CYB5R3: variants seen among roughly 807,000 people sequenced by gnomAD.
The protein encoded by CYB5R3 is NADH-cytochrome b5 reductase 3.
CYB5R3 carries 28 observed loss-of-function variants against 36.5 expected under a neutral mutation model. That is an observed-to-expected ratio of 0.77 (90% CI 0.57 to 1.05). The LOEUF is 1.05. CYB5R3 is among the 50% of genes least tolerant of loss of function. The pLI, the probability that CYB5R3 is intolerant of heterozygous loss-of-function variation, is 0.00. For synonymous variants in CYB5R3, 181 were observed against 159.8 expected (o/e 1.13, Z -1.00); for missense variants, 474 against 408.9 (o/e 1.16, Z -1.37).
In CYB5R3 at chr22:42,648,716, G is replaced by A. The variant is rs578209786; in HGVS notation, c.21+579C>T. Among the ~76,000 whole-genome samples the A allele has an allele frequency of 2.0e-5, 3 of 152,150 alleles. No homozygotes were observed. The South Asian group carries it at 6.2e-4, about 31-fold the overall frequency. ...CTGGCCCACTGAGCATTGGGAGGAT[G>A]CCCCCGTGTCATCCGGGTTCTGTTC... is the stretch of plus-strand genomic sequence containing the variant. On this transcript the variant is annotated intron_variant, in intron 1 of 8. Coordinates refer to ENST00000352397, the MANE Select transcript of CYB5R3 (RefSeq NM_000398.7).
At chr22:42,630,243 C>T (rs1026108169) in intron 4 of CYB5R3, among the ~76,000 whole-genome samples, 2 of 152,202 alleles carry the variant, frequency 1.3e-5, no homozygotes, top group Non-Finnish European at 2.9e-5. Context: ...CCTCGAACCC[C>T]GCAGCAGACC....
chr22:42,632,793 G>A (rs2299832), intron 2 of CYB5R3: 24,185 of 152,172 alleles, frequency 0.16, 2,603 homozygotes, highest in East Asian at 0.58. Context: ...TTGGGAGGCC[G>A]AGGTGGGCGA....
intron 2 of CYB5R3, among the ~76,000 whole-genome samples, chr22:42,636,165 G>A (rs935670885): frequency 6.6e-6 from 1 of 152,062 alleles, no homozygotes; most frequent in Non-Finnish European, 1.5e-5. Context: ...TGCAGTGAGC[G>A]GAGATCGCAC....
chr22:42,637,707 C>A (rs903057045), intron 1 of CYB5R3, among the ~76,000 whole-genome samples: 2 of 152,190 alleles, frequency 1.3e-5, no homozygotes, highest in South Asian at 2.1e-4. Context: ...GGGTACCACA[C>A]GGGCACGGCT....
intron 8 of CYB5R3, among the ~76,000 whole-genome samples, chr22:42,623,400 G>T (rs893431283): frequency 7.2e-5 from 11 of 152,210 alleles, no homozygotes; most frequent in African/African-American, 2.2e-4. Context: ...TGGCCTTGGT[G>T]TAACTCGGCA....
At chr22:42,627,448 C>A in intron 6 of CYB5R3, 59 bp from the exon 7 acceptor site, 2 of 1,569,278 alleles carry the variant, frequency 1.3e-6, no homozygotes, top group Non-Finnish European at 1.7e-6. Flanking sequence ...ACAGGCACCG[C>A]CCCGCCCAGG....
intron 1 of CYB5R3, among the ~76,000 whole-genome samples, chr22:42,642,301 A>G (rs1929319839): frequency 6.6e-6 from 1 of 152,028 alleles, no homozygotes; most frequent in African/African-American, 2.4e-5. Flanking sequence ...TTTTGTAGAG[A>G]TGCGGTTTCA....
At chr22:42,636,657 A>C (rs1474599113) in intron 2 of CYB5R3, 58 bp downstream of exon 2, 2 of 1,596,310 alleles carry the variant, frequency 1.3e-6, no homozygotes, top group Admixed American at 3.4e-5. Flanking sequence ...CTGAGCACAG[A>C]GTAGGTGCTG....
At chr22:42,630,150 G>A (rs1324838252) in intron 4 of CYB5R3, among the ~76,000 whole-genome samples, 1 of 152,124 alleles carries the variant, frequency 6.6e-6, no homozygotes, top group African/African-American at 2.4e-5. Context: ...CCGTCATGCT[G>A]CCTCTTACTT....
chr22:42,618,924 G>A lies in CYB5R3; in HGVS notation c.*849C>T, dbSNP rs1292088987. ...GTCTAAAGGCAACGTCGAGGTCACT[G>A]ATATGTCCCTCAGACAAGAGGCACT... On this transcript the variant is annotated 3_prime_UTR_variant, in exon 9 of 9. Transcript: ENST00000352397. The A allele has an allele frequency of 6.6e-6, 1 of 152,248 alleles. No homozygotes were observed. Among genetic ancestry groups the A allele is most frequent in the Non-Finnish European group, 1.5e-5 (1 of 68,086 alleles). 9.4% of individuals were successfully genotyped at this position (152,248 alleles called of 1,614,324 possible).
intron 8 of CYB5R3, among the ~76,000 whole-genome samples, chr22:42,620,359 C>T (rs1291793639): frequency 6.6e-6 from 1 of 152,060 alleles, no homozygotes; most frequent in African/African-American, 2.4e-5. Context: ...ATGTACCTTC[C>T]AGGATCCAGA....
At chr22:42,648,743 T>G (rs1407211948) in intron 1 of CYB5R3, among the ~76,000 whole-genome samples, 1 of 152,118 alleles carries the variant, frequency 6.6e-6, no homozygotes, top group Non-Finnish European at 1.5e-5. Flanking sequence ...GTTCTGTTCC[T>G]TGTTGCTAAA....
chr22:42,644,313 C>T (rs1021654929), intron 1 of CYB5R3: 10 of 687,706 alleles, frequency 1.5e-5, no homozygotes, highest in Admixed American at 1.2e-4. Context: ...GCGGCTCCAC[C>T]CCTCCTCAAA....
chr22:42,618,714 A>G lies in CYB5R3; in HGVS notation c.*1059T>C, dbSNP rs1927774720. On this transcript the variant is annotated 3_prime_UTR_variant, in exon 9 of 9. Coordinates refer to ENST00000352397, the MANE Select transcript of CYB5R3 (RefSeq NM_000398.7). ...CAAAGGGAGACTCCGTCTCAAAAAA[A>G]AAAAAAAAAGAAAAAAAAAATGCTA... The G allele has an allele frequency of 6.7e-6, 1 of 149,642 alleles. No homozygotes were observed. Among genetic ancestry groups the G allele is most frequent in the African/African-American group, 2.6e-5 (1 of 39,158 alleles). 9.3% of individuals were successfully genotyped at this position (149,642 alleles called of 1,614,324 possible). A position where few individuals can be genotyped will look rare whatever the true frequency, so the allele number is the denominator to read the frequency against.
chr22:42,628,494 A>G (rs1306422941), intron 4 of CYB5R3, among the ~76,000 whole-genome samples: 1 of 152,164 alleles, frequency 6.6e-6, no homozygotes, highest in Non-Finnish European at 1.5e-5. Flanking sequence ...TCCACCTGAC[A>G]TATCCGGGGA....
intron 8 of CYB5R3, among the ~76,000 whole-genome samples, chr22:42,622,026 C>T (rs1178260723): frequency 6.6e-6 from 1 of 152,204 alleles, no homozygotes; most frequent in Non-Finnish European, 1.5e-5. Context: ...CGGGTTCAAG[C>T]CATTCTCCTG....
rs780868129 is a variant in CYB5R3 at position 42,636,820 on chromosome 22, G to C, written c.48C>G (p.Val16=). 3.7e-6 allele frequency: 6 copies of C among 1,613,914 alleles called. No individual in the cohort carries two copies. The highest frequency in any genetic ancestry group is 5.1e-6 in the Non-Finnish European group (6 of 1,180,018). The change falls in exon 2 of 9, where the codon GTC becomes GTG. Residue 16 remains valine, a synonymous_variant. Coordinates refer to ENST00000352397, the MANE Select transcript of CYB5R3 (RefSeq NM_000398.7). ...TCATGAGCAGACTGTACAGGAACCA[G>C]ACTGGGAAGAGCACCATATGGCCCA... is the stretch of plus-strand genomic sequence containing the variant. ...STLGHMVLFP[V]WFLYSLLMKL...
chr22:42,645,482 C>T lies in CYB5R3; in HGVS notation c.21+3813G>A, dbSNP rs8190398. 2.3e-3 allele frequency among the ~76,000 whole-genome samples: 355 copies of T among 152,310 alleles called. 2 individuals carry two copies. The highest frequency in any genetic ancestry group is 8.1e-3 in the African/African-American group (337 of 41,568). On this transcript the variant is annotated intron_variant, in intron 1 of 8. Coordinates refer to ENST00000352397, the MANE Select transcript of CYB5R3 (RefSeq NM_000398.7). ...AGGATCCGGCTCCAGGCTGTTTCCA[C>T]GCCTGTTCCACACTCAGAGAGGACA...
At chr22:42,646,463 C>T (rs1477441178) in intron 1 of CYB5R3, among the ~76,000 whole-genome samples, 1 of 152,150 alleles carries the variant, frequency 6.6e-6, no homozygotes, top group Non-Finnish European at 1.5e-5. Flanking sequence ...ATAGAATGCC[C>T]TGCGCAGCTG....
Sources: allele counts gnomAD v4.1 joint callset (sites outside exome capture counted in the v4.1 genomes callset), GRCh38; gene constraint gnomAD v4.1.1; transcripts MANE v1.5; gene names NCBI Gene and HGNC (gene_info 2026-07-23, HGNC 2026-07-21).